Variants in NR6A1 observed in about 807,000 individuals in gnomAD.
NR6A1 encodes retinoic acid receptor-related testis-associated receptor.
In NR6A1, 7 loss-of-function variants were observed where a neutral mutation model predicts 59.1. The ratio of observed to expected loss-of-function variants is 0.12; its 90% confidence interval spans 0.07 to 0.22. The LOEUF is 0.22. NR6A1 is among the 10% of genes least tolerant of loss of function. NR6A1 has a pLI of 1.00. For synonymous variants in NR6A1, 243 were observed against 236.1 expected, an observed-to-expected ratio of 1.03 and a Z score of -0.27; for missense variants, 468 against 611.6, an observed-to-expected ratio of 0.77 and a Z score of 2.48.
At chr9:124,631,049 ATAAAG>A (rs1375106057) in intron 2 of NR6A1, among the ~76,000 whole-genome samples, 2 of 151,938 alleles carry the variant, frequency 1.3e-5, no homozygotes, top group African/African-American at 2.4e-5. Context: ...ATTGTGAGGT[ATAAAG>A]TAAATGAATG....
chr9:124,658,081 T>C (rs1353081338), intron 2 of NR6A1, among the ~76,000 whole-genome samples: 1 of 152,214 alleles, frequency 6.6e-6, no homozygotes, highest in Non-Finnish European at 1.5e-5. Flanking sequence ...TAGGGTGATT[T>C]AGGATTCAGG....
chr9:124,627,833 A>T (rs958263876), intron 2 of NR6A1, among the ~76,000 whole-genome samples: 2 of 149,338 alleles, frequency 1.3e-5, no homozygotes, highest in African/African-American at 4.9e-5. Context: ...TTGGCCTCCC[A>T]AAGTGCTAGG....
At chr9:124,704,611 C>T (rs536656705) in intron 2 of NR6A1, among the ~76,000 whole-genome samples, 9 of 152,258 alleles carry the variant, frequency 5.9e-5, no homozygotes, top group South Asian at 2.1e-4. Context: ...TGGACGCTTA[C>T]GTTAGTGCTT....
In NR6A1 at chr9:124,763,253, G is replaced by C. The variant is rs143402759; in HGVS notation, c.100+7767C>G. On this transcript the variant is annotated intron_variant, in intron 1 of 9. Coordinates refer to ENST00000487099, the MANE Select transcript of NR6A1 (RefSeq NM_033334.4). ...ATCAAGGATGACATTAAGTGGAAAA[G>C]TCTTTTTGAAAAATACAAGTGCATG... Among the ~76,000 whole-genome samples, 259 of 152,290 alleles carry C rather than the reference G, an allele frequency of 1.7e-3. 1 individual carries two copies. In the East Asian group the frequency reaches 0.02, roughly 12 times the overall value.
chr9:124,763,559 GAAAC>G (rs1407790163), intron 1 of NR6A1, among the ~76,000 whole-genome samples: 1 of 152,138 alleles, frequency 6.6e-6, no homozygotes, highest in Admixed American at 6.5e-5. Flanking sequence ...GATTAAGTTT[GAAAC>G]AAACAATAGT....
intron 2 of NR6A1, among the ~76,000 whole-genome samples, chr9:124,662,048 T>C (rs767594937): frequency 2.0e-5 from 3 of 150,954 alleles, no homozygotes; most frequent in Non-Finnish European, 4.4e-5. Flanking sequence ...GCTAGTGCCA[T>C]AATACTTGAG....
intron 9 of NR6A1, among the ~76,000 whole-genome samples, chr9:124,523,851 G>A (rs1258528670): frequency 6.6e-6 from 1 of 152,098 alleles, no homozygotes; most frequent in Admixed American, 6.6e-5. Context: ...TTAAAAAACT[G>A]TATTGCTGAA....
At chr9:124,589,586 TG>T (rs1432292579) in intron 2 of NR6A1, among the ~76,000 whole-genome samples, 5 of 152,286 alleles carry the variant, frequency 3.3e-5, no homozygotes, top group Non-Finnish European at 7.3e-5. Context: ...GCCTTTCATT[TG>T]CATTGCTCTT....
chr9:124,569,555 C>T (rs1414924064), intron 2 of NR6A1, among the ~76,000 whole-genome samples: 2 of 152,180 alleles, frequency 1.3e-5, no homozygotes. Context: ...ACTTGCCTGG[C>T]TAAAGGGTAT....
At chr9:124,633,678 C>A (rs557039684) in intron 2 of NR6A1, among the ~76,000 whole-genome samples, 1 of 152,098 alleles carries the variant, frequency 6.6e-6, no homozygotes. Context: ...ATTGTGGAGG[C>A]AAGGTCACTG....
At chr9:124,598,560 A>G (rs1479838713) in intron 2 of NR6A1, 1 of 254,516 alleles carries the variant, frequency 3.9e-6, no homozygotes. Context: ...CCAAATTATT[A>G]TTTTTAAATT....
At chr9:124,765,187 T>C (rs1008158408) in intron 1 of NR6A1, among the ~76,000 whole-genome samples, 1 of 152,232 alleles carries the variant, frequency 6.6e-6, no homozygotes, top group Non-Finnish European at 1.5e-5. Context: ...TGAGATTATA[T>C]AATGCTGATG....
At chr9:124,554,262 A>C in intron 3 of NR6A1, 66 bp downstream of exon 3, 2 of 1,608,816 alleles carry the variant, frequency 1.2e-6, no homozygotes, top group South Asian at 2.2e-5. Flanking sequence ...AAGTAACTAA[A>C]CAGCTGACAC....
chr9:124,662,841 T>C (rs1438342031), intron 2 of NR6A1, among the ~76,000 whole-genome samples: 1 of 152,234 alleles, frequency 6.6e-6, no homozygotes, highest in African/African-American at 2.4e-5. Flanking sequence ...CTTAGGGATG[T>C]AGGGTTAGAT....
At chr9:124,593,705 G>C (rs1835193236) in intron 2 of NR6A1, among the ~76,000 whole-genome samples, 1 of 152,148 alleles carries the variant, frequency 6.6e-6, no homozygotes, top group Admixed American at 6.5e-5. Context: ...CGGTGTCATT[G>C]TTTTGGTTTT....
chr9:124,638,331 T>A (rs570783843), intron 2 of NR6A1, among the ~76,000 whole-genome samples: 1 of 151,916 alleles, frequency 6.6e-6, no homozygotes, highest in Non-Finnish European at 1.5e-5. Flanking sequence ...GATAGGCTCA[T>A]CTACTTACTT....
rs761146788 is a variant in NR6A1, at chr9:124,526,858, G to A, written c.1122C>T (p.Tyr374=). 9 of 1,613,972 alleles carry A rather than the reference G, an allele frequency of 5.6e-6. No homozygotes were observed. The highest frequency in any genetic ancestry group is 2.7e-5 in the African/African-American group (2 of 74,928). The change falls in exon 8 of 10, where the codon TAC becomes TAT. Residue 374 remains tyrosine (Y), a synonymous_variant. Coordinates refer to ENST00000487099, the MANE Select transcript of NR6A1 (RefSeq NM_033334.4). ...EGMEVIERLI[Y]LYHKFHQLKV... ...TTAGCTGATGGAACTTGTGATAGAG[G>A]TAGATGAGCCGCTCGATCACCTCCA...
chr9:124,715,747 A>G (rs1288162333), intron 2 of NR6A1, among the ~76,000 whole-genome samples: 1 of 152,174 alleles, frequency 6.6e-6, no homozygotes, highest in Non-Finnish European at 1.5e-5. Flanking sequence ...AATCAAAACA[A>G]CTTTGAAAAA....
chr9:124,611,031 ATTCAGTAGT>A (rs1835726783), intron 2 of NR6A1, among the ~76,000 whole-genome samples: 1 of 152,128 alleles, frequency 6.6e-6, no homozygotes, highest in Admixed American at 6.6e-5. Context: ...TTCCTGACCC[ATTCAGTAGT>A]TTAGCCTTCT....
Sources: gnomAD v4.1 joint callset for allele counts (sites outside exome capture counted in the v4.1 genomes callset) on GRCh38, gnomAD v4.1.1 for gene constraint, MANE v1.5 for transcripts, NCBI Gene and HGNC (gene_info 2026-07-23, HGNC 2026-07-21) for gene names.